The following UBAP2L variants were observed in gnomAD, a reference collection of about 807,000 sequenced individuals.
UBAP2L encodes the protein ubiquitin associated protein 2 like.
Under a neutral mutation model 130.6 loss-of-function variants are expected in UBAP2L, and 12 were observed. The ratio of observed to expected loss-of-function variants is 0.09; its 90% confidence interval spans 0.06 to 0.15. The LOEUF (loss-of-function observed/expected upper bound fraction) is 0.15, where lower values mean the gene tolerates loss of function less well. Among genes scored for constraint, UBAP2L ranks in the 10% least tolerant of loss-of-function variants. The pLI is 1.00. For missense variants in UBAP2L, 965 were observed against 1,332.5 expected, an observed-to-expected ratio of 0.72 and a Z score of 4.29; for synonymous variants, 503 against 524.7, an observed-to-expected ratio of 0.96 and a Z score of 0.57.
chr1:154,227,380 C>T (rs781615645), intron 3 of UBAP2L, 21 bp downstream of exon 3: 1 of 1,593,530 alleles, frequency 6.3e-7, no homozygotes, highest in Non-Finnish European at 8.6e-7. Flanking sequence ...CACTAATTTA[C>T]TGTACACTAT....
Position 154,254,029 on chromosome 1 carries a change from G to T in UBAP2L, c.1794G>T (p.Gln598His). Residue 598 changes from glutamine (Q) to histidine (H), a missense_variant, in exon 15 of 27, where the codon CAG (glutamine) becomes CAT (histidine). Gln to His is a conservative substitution (Grantham distance 24). Coordinates refer to ENST00000428931, the MANE Select transcript of UBAP2L (RefSeq NM_014847.4). Reference sequence around the variant, plus strand: ...CTCTTTATGAACAGAGATCCACACAGACTCGGCGGTACCCCAGCTCCATCT... The same window carrying T: ...CTCTTTATGAACAGAGATCCACACATACTCGGCGGTACCCCAGCTCCATCT... Reference protein sequence around the residue: ...QGPLYEQRSTQTRRYPSSISS... With the variant: ...QGPLYEQRSTHTRRYPSSISS... 1.9e-6 allele frequency: 3 copies of T among 1,610,666 alleles called. No homozygotes were observed. The highest frequency in any genetic ancestry group is 2.5e-6 in the Non-Finnish European group (3 of 1,178,682).
chr1:154,261,130 A>C, intron 23 of UBAP2L, 21 bp downstream of exon 23: 2 of 1,609,266 alleles, frequency 1.2e-6, no homozygotes, highest in Non-Finnish European at 1.7e-6. Flanking sequence ...GGCTTTGGTC[A>C]CTCCTTGTGG....
At chr1:154,240,329 T>C (rs1263266086) in intron 8 of UBAP2L, among the ~76,000 whole-genome samples, 4 of 152,230 alleles carry the variant, frequency 2.6e-5, no homozygotes, top group East Asian at 1.9e-4. Context: ...TCTGAAAATA[T>C]ATGTATACAT....
chr1:154,253,766 C>A (rs1320863586), intron 14 of UBAP2L, 134 bp from the exon 15 acceptor site: 1 of 852,290 alleles, frequency 1.2e-6, no homozygotes, highest in Non-Finnish European at 1.8e-6. Flanking sequence ...TTGGTAGATT[C>A]TTCTATTTGT....
intron 3 of UBAP2L, 36 bp from the exon 4 acceptor site, chr1:154,228,579 G>A: frequency 6.7e-7 from 1 of 1,491,834 alleles, no homozygotes; most frequent in East Asian, 2.3e-5. Flanking sequence ...GTGAGCATAA[G>A]CCTGTTCATG....
intron 20 of UBAP2L, 93 bp from the exon 21 acceptor site, chr1:154,258,884 T>A: frequency 9.8e-7 from 1 of 1,018,786 alleles, no homozygotes; most frequent in South Asian, 1.3e-5. Context: ...AGAATGAGGA[T>A]GAATGTTCTG....
chr1:154,256,099 A>C lies in UBAP2L; in HGVS notation c.2157+344A>C, dbSNP rs139742203. 5.8e-3 allele frequency among the ~76,000 whole-genome samples: 883 copies of C among 152,338 alleles called. 13 individuals are homozygous for C. Among genetic ancestry groups the C allele is most frequent in the Middle Eastern group, 0.024 (7 of 294 alleles). On this transcript the variant is annotated intron_variant, in intron 18 of 26. Transcript: ENST00000428931. ...CTTTCCTTGGTCTTGGGTATGCCCA[A>C]GTTCTGAAAAGAATCAGTGCAAGGC...
intron 3 of UBAP2L, among the ~76,000 whole-genome samples, chr1:154,227,967 T>C (rs1668538013): frequency 6.6e-6 from 1 of 152,216 alleles, no homozygotes; most frequent in South Asian, 2.1e-4. Context: ...AATGTGGAAA[T>C]TCATGCTGAA....
intron 16 of UBAP2L, 88 bp downstream of exon 16, chr1:154,254,978 A>G (rs962609115): frequency 1.0e-5 from 15 of 1,484,072 alleles, no homozygotes; most frequent in East Asian, 2.3e-5. Flanking sequence ...TCACTGGACA[A>G]TTGAGACCCA....
At chr1:154,269,270 C>G in intron 26 of UBAP2L, 1 of 1,270,590 alleles carries the variant, frequency 7.9e-7, no homozygotes, top group Non-Finnish European at 1.1e-6. Context: ...AGCCTTCCCT[C>G]TTCCCTGACA....
chr1:154,252,423 G>A (rs1258039262), intron 14 of UBAP2L, among the ~76,000 whole-genome samples: 1 of 150,504 alleles, frequency 6.6e-6, no homozygotes, highest in African/African-American at 2.5e-5. Flanking sequence ...TGAGATTACT[G>A]GAATGTGCCA....
chr1:154,240,493 T>C (rs1673167643), intron 8 of UBAP2L, among the ~76,000 whole-genome samples: 2 of 152,328 alleles, frequency 1.3e-5, no homozygotes, highest in South Asian at 4.1e-4. Context: ...TTTCAAGTTC[T>C]ATATGAGTAA....
chr1:154,230,747 C>T (rs774013163), intron 4 of UBAP2L, among the ~76,000 whole-genome samples: 58 of 152,148 alleles, frequency 3.8e-4, no homozygotes, highest in Non-Finnish European at 7.3e-4. Flanking sequence ...AAACTAGCTA[C>T]TAGTGAAACC....
chr1:154,268,537 A>G (rs1442107228), intron 25 of UBAP2L, among the ~76,000 whole-genome samples: 2 of 152,160 alleles, frequency 1.3e-5, no homozygotes, highest in African/African-American at 4.8e-5. Flanking sequence ...TTTATATCTG[A>G]GGAAACTGAG....
chr1:154,234,587 A>G lies in UBAP2L; in HGVS notation c.280-4A>G, dbSNP rs376260300. The G allele has an allele frequency of 1.5e-5, 25 of 1,613,860 alleles. No homozygotes were observed. The highest frequency in any genetic ancestry group is 1.6e-4 in the Middle Eastern group (1 of 6,084). ...TTAGATATGAATGCTCTACCCTTCT[A>G]TAGCATTCCTGGGAGATGGTCGGGA... On this transcript the variant is annotated splice_region_variant and splice_polypyrimidine_tract_variant and intron_variant, in intron 4 of 26. Transcript: ENST00000428931.
intron 1 of UBAP2L, 38 bp downstream of exon 1, chr1:154,221,013 G>GGCGGCAGCGGCA (rs1002086919): frequency 5.0e-6 from 1 of 201,846 alleles, no homozygotes; most frequent in Non-Finnish European, 1.0e-5. Flanking sequence ...CGGCGGCGGC[G>GGCGGCAGCGGCA]GCGGCAGCGG....
chr1:154,270,485 G>A lies in UBAP2L; in HGVS notation c.*190G>A. 6.8e-7 allele frequency: 1 copy of A among 1,464,422 alleles called. No individual in the cohort carries two copies. Among genetic ancestry groups the A allele is most frequent in the South Asian group, 1.4e-5 (1 of 73,666 alleles). 90.7% of individuals were successfully genotyped at this position (1,464,422 alleles called of 1,614,324 possible). On this transcript the variant is annotated 3_prime_UTR_variant, in exon 27 of 27. Transcript: ENST00000428931. ...TCCCCACCCTGTTGTATGTATTATA[G>A]GATTTGTATTTTCTCCTTTTTTTTC...
At chr1:154,255,386 T>G (rs1251894401) in intron 17 of UBAP2L, 60 bp downstream of exon 17, 13 of 1,579,126 alleles carry the variant, frequency 8.2e-6, no homozygotes, top group Non-Finnish European at 7.7e-6. Context: ...AGCTCTCTGG[T>G]CCTTATTACT....
chr1:154,270,782 T>C lies in UBAP2L; in HGVS notation c.*487T>C. On this transcript the variant is annotated 3_prime_UTR_variant, in exon 27 of 27. Coordinates refer to ENST00000428931, the MANE Select transcript of UBAP2L (RefSeq NM_014847.4). ...TGGTTTTTTTTTTGTTTTTTTTTTT[T>C]TTTTGTACTGTGTCCTCAAATTTAA... 7.5e-7 allele frequency: 1 copy of C among 1,327,654 alleles called. No homozygotes were observed. The highest frequency in any genetic ancestry group is 9.7e-7 in the Non-Finnish European group (1 of 1,035,290). The allele number at this position is 1,327,654 out of a possible 1,614,324, so 82.2% of individuals were successfully genotyped here.
Sources: allele counts gnomAD v4.1 joint callset (sites outside exome capture counted in the v4.1 genomes callset), GRCh38; gene constraint gnomAD v4.1.1; transcripts MANE v1.5; gene names NCBI Gene and HGNC (gene_info 2026-07-23, HGNC 2026-07-21).